The following OR3A2 variants were observed in gnomAD, a reference collection of about 807,000 sequenced individuals.
The protein encoded by OR3A2 is olfactory receptor 3A2.
For synonymous variants in OR3A2, 126 were observed against 159.3 expected, an observed-to-expected ratio of 0.79 and a Z score of 1.57; for missense variants, 318 against 392.8, an observed-to-expected ratio of 0.81 and a Z score of 1.61.
intron 2 of OR3A2, among the ~76,000 whole-genome samples, chr17:3,341,082 T>C (rs1046112807): frequency 1.1e-4 from 16 of 152,190 alleles, no homozygotes; most frequent in Non-Finnish European, 2.1e-4. Flanking sequence ...AGACTAGAAT[T>C]GCAACCCCTG....
chr17:3,322,224 C>T (rs182242948), intron 3 of OR3A2, among the ~76,000 whole-genome samples: 1 of 152,028 alleles, frequency 6.6e-6, no homozygotes, highest in African/African-American at 2.4e-5. Flanking sequence ...TGATATATCC[C>T]CTTTTTCATT....
intron 2 of OR3A2, among the ~76,000 whole-genome samples, chr17:3,382,628 A>G (rs1170641254): frequency 6.6e-6 from 1 of 152,178 alleles, no homozygotes; most frequent in Non-Finnish European, 1.5e-5. Context: ...TTACAGCACT[A>G]GGGAGGAAGA....
At chr17:3,327,817 C>T (rs1422645727) in intron 3 of OR3A2, among the ~76,000 whole-genome samples, 1 of 140,170 alleles carries the variant, frequency 7.1e-6, no homozygotes, top group Non-Finnish European at 1.5e-5. Flanking sequence ...ATAGGGAATC[C>T]TTTCCCCATT....
chr17:3,340,507 G>A (rs1013244678), intron 2 of OR3A2, among the ~76,000 whole-genome samples: 1 of 152,168 alleles, frequency 6.6e-6, no homozygotes, highest in East Asian at 1.9e-4. Context: ...CTTTATTTCT[G>A]CCTTCATTTC....
chr17:3,303,746 A>AAAAAAAAAAAG (rs2048982117), intron 3 of OR3A2, among the ~76,000 whole-genome samples: 1 of 147,418 alleles, frequency 6.8e-6, no homozygotes, highest in Non-Finnish European at 1.5e-5. Context: ...TTCATCTCAA[A>AAAAAAAAAAAG]AAAAAAAATT....
intron 3 of OR3A2, among the ~76,000 whole-genome samples, chr17:3,300,298 C>A (rs1430072274): frequency 6.6e-6 from 1 of 152,200 alleles, no homozygotes; most frequent in East Asian, 1.9e-4. Context: ...GTGGCTTACG[C>A]CTGTAATCCT....
At chr17:3,360,631 C>T (rs1339222623) in intron 2 of OR3A2, among the ~76,000 whole-genome samples, 1 of 151,744 alleles carries the variant, frequency 6.6e-6, no homozygotes, top group Non-Finnish European at 1.5e-5. Context: ...CAGCTTTCTA[C>T]ATATGGCTAG....
intron 2 of OR3A2, among the ~76,000 whole-genome samples, chr17:3,359,327 G>A (rs2049489907): frequency 6.6e-6 from 1 of 151,624 alleles, no homozygotes; most frequent in South Asian, 2.1e-4. Context: ...GCTGTTAGCT[G>A]GTTATTATCT....
chr17:3,304,660 C>T (rs6502716), intron 3 of OR3A2, among the ~76,000 whole-genome samples: 28,767 of 152,018 alleles, frequency 0.19, 4,269 homozygotes, highest in African/African-American at 0.41. Context: ...AAACTGTTTA[C>T]GAAGAAAAAG....
intron 3 of OR3A2, among the ~76,000 whole-genome samples, chr17:3,318,691 G>A (rs1392071021): frequency 6.6e-6 from 1 of 152,090 alleles, no homozygotes; most frequent in Non-Finnish European, 1.5e-5. Flanking sequence ...TCACCCTTTA[G>A]GTTGTTTCCA....
At chr17:3,369,700 G>C (rs886722693) in intron 2 of OR3A2, among the ~76,000 whole-genome samples, 2 of 150,884 alleles carry the variant, frequency 1.3e-5, no homozygotes, top group African/African-American at 2.4e-5. Context: ...TTCTTTTTTT[G>C]TTATGTCCTT....
intron 3 of OR3A2, among the ~76,000 whole-genome samples, chr17:3,300,894 A>G (rs1201108796): frequency 7.7e-6 from 1 of 129,100 alleles, no homozygotes; most frequent in East Asian, 2.4e-4. Flanking sequence ...TCCTGTGTCC[A>G]AGTGTTCTCA....
At chr17:3,276,662 T>C (rs899131453), downstream of OR3A2, among the ~76,000 whole-genome samples, 8 of 152,118 alleles carry the variant, frequency 5.3e-5, no homozygotes, top group Admixed American at 3.3e-4. Flanking sequence ...AAGTAAGACT[T>C]TGGAGGAGAA....
rs58991111 is a variant in OR3A2 at position 3,375,300 on chromosome 17, C to CTT, written c.-179+8502_-179+8503dup. On this transcript the variant is annotated intron_variant, in intron 2 of 4. Coordinates refer to the OR3A2 transcript ENST00000573491. Reference sequence around the variant, plus strand: ...TCACCTGGACTTGACAGATTTCTTCCTTTTTTTTTTTTTTTTCTTTTTGAG... The same window carrying CTT: ...TCACCTGGACTTGACAGATTTCTTCCTTTTTTTTTTTTTTTTTTCTTTTTGAG... Among the ~76,000 whole-genome samples, 226 of 66,516 alleles carry CTT rather than the reference C, an allele frequency of 3.4e-3. 7 individuals carry two copies. Among genetic ancestry groups the CTT allele is most frequent in the Non-Finnish European group, 4.3e-3 (151 of 35,112 alleles). 43.6% of individuals were successfully genotyped at this position (66,516 alleles called of 152,430 possible). A position where few individuals can be genotyped will look rare whatever the true frequency, so the allele number is the denominator to read the frequency against.
At chr17:3,351,865 C>G (rs1249508430) in intron 2 of OR3A2, among the ~76,000 whole-genome samples, 2 of 152,052 alleles carry the variant, frequency 1.3e-5, no homozygotes, top group Non-Finnish European at 2.9e-5. Context: ...ACAGAGCCCT[C>G]AGAAATAACA....
chr17:3,346,263 G>A (rs984474009), intron 2 of OR3A2, among the ~76,000 whole-genome samples: 1 of 152,034 alleles, frequency 6.6e-6, no homozygotes, highest in Admixed American at 6.6e-5. Flanking sequence ...ATTTTTATGG[G>A]TACATGGTAG....
chr17:3,288,449 T>A (rs1016906111), upstream of OR3A2, among the ~76,000 whole-genome samples: 1 of 152,172 alleles, frequency 6.6e-6, no homozygotes, highest in Non-Finnish European at 1.5e-5. Flanking sequence ...CCTAGGTTTG[T>A]GCAAGTACAT....
intron 2 of OR3A2, among the ~76,000 whole-genome samples, chr17:3,343,136 G>A (rs2049334099): frequency 6.6e-6 from 1 of 152,184 alleles, no homozygotes; most frequent in African/African-American, 2.4e-5. Flanking sequence ...AGGTTGCAGT[G>A]TCCCGATTTT....
chr17:3,301,564 T>C (rs8076265), intron 3 of OR3A2, among the ~76,000 whole-genome samples: 25,244 of 152,192 alleles, frequency 0.17, 2,980 homozygotes, highest in African/African-American at 0.33. Context: ...GTAAATTTCT[T>C]TAAGTTCTTT....
Sources: allele counts gnomAD v4.1 joint callset (sites outside exome capture counted in the v4.1 genomes callset), GRCh38; gene constraint gnomAD v4.1.1; transcripts MANE v1.5; gene names NCBI Gene and HGNC (gene_info 2026-07-23, HGNC 2026-07-21).